The following NRG1 variants were observed in gnomAD, a reference collection of about 807,000 sequenced individuals.
NRG1 encodes neuregulin 1.
NRG1 carries 18 observed loss-of-function variants against 63.8 expected under a neutral mutation model. That is an observed-to-expected ratio of 0.28 (90% CI 0.19 to 0.42). NRG1 has a LOEUF of 0.42. Ranked by LOEUF, NRG1 falls within the 10% of genes least tolerant of loss-of-function variation. NRG1 has a pLI of 1.00. For synonymous variants in NRG1, 302 were observed against 301.3 expected (o/e 1.00, Z -0.02); for missense variants, 762 against 814.7 (o/e 0.94, Z 0.79).
At chr8:32,684,227 A>G (rs903868172) in intron 5 of NRG1, among the ~76,000 whole-genome samples, 3 of 152,184 alleles carry the variant, frequency 2.0e-5, no homozygotes, top group Admixed American at 6.5e-5. Flanking sequence ...ACAAATCAGA[A>G]GGTACATTAC....
At chr8:31,646,138 C>T (rs1804265782) in intron 1 of NRG1, among the ~76,000 whole-genome samples, 1 of 152,184 alleles carries the variant, frequency 6.6e-6, no homozygotes, top group Non-Finnish European at 1.5e-5. Flanking sequence ...TTGTCCATCC[C>T]ATGAGGACGT....
chr8:32,183,194 G>A (rs756190066), intron 1 of NRG1, among the ~76,000 whole-genome samples: 16 of 152,248 alleles, frequency 1.1e-4, no homozygotes, highest in Admixed American at 3.3e-4. Context: ...TAGAACGTGC[G>A]TTCTAACTGA....
chr8:32,199,787 A>C lies in NRG1; in HGVS notation c.38-396041A>C, dbSNP rs564846352. Among the ~76,000 whole-genome samples the C allele has an allele frequency of 4.6e-5, 7 of 152,024 alleles. No individual in the cohort carries two copies. In the South Asian group the frequency reaches 1.5e-3, roughly 32 times the overall value. On this transcript the variant is annotated intron_variant, in intron 1 of 10. Transcript: ENST00000519301. The stretch of plus-strand genomic sequence containing the variant: ...TTTTAAAATTCTCTCATTGTTTTAA[A>C]CTTTTTTTTTGAGTGGAGTTTCACT...
At chr8:32,019,607 T>C (rs1413145583) in intron 1 of NRG1, among the ~76,000 whole-genome samples, 1 of 152,214 alleles carries the variant, frequency 6.6e-6, no homozygotes, top group Non-Finnish European at 1.5e-5. Context: ...AAACTTTGCT[T>C]ACCTGCCAAA....
chr8:31,711,972 G>A (rs1020427125), intron 1 of NRG1, among the ~76,000 whole-genome samples: 1 of 152,078 alleles, frequency 6.6e-6, no homozygotes, highest in Non-Finnish European at 1.5e-5. Context: ...TTGGAAGTTA[G>A]GGTTTAACAT....
Position 32,548,845 on chromosome 8 carries a change from C to T in NRG1, c.100+19C>T. On this transcript the variant is annotated intron_variant, in intron 1 of 11. Coordinates refer to ENST00000356819, the Ensembl canonical transcript of NRG1. ...AGCCCAGGTGGGTGCGCAGCGCGGC[C>T]CGGGCCCCACGATCCTCCTCCTGCT... 2 of 1,544,140 alleles carry T rather than the reference C, an allele frequency of 1.3e-6. No individual in the cohort carries two copies. The highest frequency in any genetic ancestry group is 1.2e-5 in the South Asian group (1 of 83,500).
At chr8:32,407,075 T>A (rs966863898) in intron 1 of NRG1, among the ~76,000 whole-genome samples, 1 of 151,824 alleles carries the variant, frequency 6.6e-6, no homozygotes, top group Non-Finnish European at 1.5e-5. Context: ...CTTAATCAGA[T>A]CTCTGTTTCC....
chr8:31,749,687 GA>G (rs1326080759), intron 1 of NRG1, among the ~76,000 whole-genome samples: 1 of 151,034 alleles, frequency 6.6e-6, no homozygotes, highest in Non-Finnish European at 1.5e-5. Context: ...ACAGTAATGG[GA>G]AAAGGGGACA....
intron 1 of NRG1, among the ~76,000 whole-genome samples, chr8:31,813,516 C>CTTTTCTTTTCTTTTTTTT: frequency 5.9e-5 from 6 of 101,212 alleles, no homozygotes; most frequent in East Asian, 3.6e-4. Flanking sequence ...CTTTTCTTTT[C>CTTTTCTTTTCTTTTTTTT]TTTTTTTTTT....
At chr8:32,631,852 T>C (rs1307909659) in intron 5 of NRG1, among the ~76,000 whole-genome samples, 1 of 152,180 alleles carries the variant, frequency 6.6e-6, no homozygotes, top group East Asian at 1.9e-4. Flanking sequence ...TTAAAAAATC[T>C]CTTTTAATTT....
At chr8:32,671,349 G>A (rs1805602548) in intron 5 of NRG1, among the ~76,000 whole-genome samples, 1 of 152,040 alleles carries the variant, frequency 6.6e-6, no homozygotes, top group South Asian at 2.1e-4. Context: ...ACCCGGAAAG[G>A]CAAAGGCTGA....
At chr8:32,157,632 G>T (rs1838275989) in intron 1 of NRG1, among the ~76,000 whole-genome samples, 1 of 150,374 alleles carries the variant, frequency 6.7e-6, no homozygotes, top group Non-Finnish European at 1.5e-5. Flanking sequence ...GCATAATGGA[G>T]TGAAACTCCA....
chr8:31,686,870 C>T (rs185566463), intron 1 of NRG1, among the ~76,000 whole-genome samples: 309 of 152,026 alleles, frequency 2.0e-3, no homozygotes, highest in African/African-American at 5.4e-3. Flanking sequence ...CTTGGTTCAA[C>T]GATTTCTCTG....
intron 5 of NRG1, chr8:32,647,031 T>C: frequency 1.0e-6 from 1 of 982,132 alleles, no homozygotes; most frequent in Non-Finnish European, 1.2e-6. Flanking sequence ...CAAAGAGGAG[T>C]AGTCGGGGGT....
At chr8:32,295,124 A>T (rs1052743533) in intron 1 of NRG1, among the ~76,000 whole-genome samples, 3 of 152,178 alleles carry the variant, frequency 2.0e-5, no homozygotes, top group Non-Finnish European at 4.4e-5. Context: ...TAGTGTAATT[A>T]TTTAGGGATA....
chr8:32,763,758 G>A, exon 12 of NRG1: 1 of 1,553,522 alleles, frequency 6.4e-7, no homozygotes, highest in Non-Finnish European at 8.7e-7. Context: ...GTATGTGTCA[G>A]CCATGACCAC....
intron 1 of NRG1, among the ~76,000 whole-genome samples, chr8:32,484,078 G>A (rs1318731720): frequency 6.7e-6 from 1 of 150,188 alleles, no homozygotes; most frequent in Non-Finnish European, 1.5e-5. Flanking sequence ...ACTCCAGCCT[G>A]GGCGACAGAG....
intron 1 of NRG1, among the ~76,000 whole-genome samples, chr8:32,298,487 A>G (rs7833123): frequency 0.27 from 40,620 of 151,918 alleles, 5,788 homozygotes; most frequent in African/African-American, 0.38. Flanking sequence ...AGGCTGAGGC[A>G]GGCAGATCAC....
chr8:32,069,584 C>G (rs1277537079), intron 1 of NRG1, among the ~76,000 whole-genome samples: 1 of 152,126 alleles, frequency 6.6e-6, no homozygotes, highest in African/African-American at 2.4e-5. Flanking sequence ...AAGAGAGAGA[C>G]TCTAAATGGT....
Sources: allele counts gnomAD v4.1 joint callset (sites outside exome capture counted in the v4.1 genomes callset), GRCh38; gene constraint gnomAD v4.1.1; transcripts MANE v1.5; gene names NCBI Gene and HGNC (gene_info 2026-07-23, HGNC 2026-07-21).